Variants in BCL11A observed in about 807,000 individuals in gnomAD.
BCL11A encodes BCL11 transcription factor A.
BCL11A carries 2 observed loss-of-function variants against 55.9 expected under a neutral mutation model. That is an observed-to-expected ratio of 0.04 (90% CI 0.01 to 0.11). BCL11A has a LOEUF of 0.11. Ranked by LOEUF, BCL11A falls within the 10% of genes least tolerant of loss-of-function variation. The pLI is 1.00. For missense variants in BCL11A, 817 were observed against 1,137.1 expected, an observed-to-expected ratio of 0.72 and a Z score of 4.05; for synonymous variants, 465 against 473.4, an observed-to-expected ratio of 0.98 and a Z score of 0.23.
chr2:60,457,071 A>G (rs1675974508), downstream of BCL11A: 1 of 174,048 alleles, frequency 5.7e-6, no homozygotes, highest in African/African-American at 2.4e-5. Flanking sequence ...GGTATAATAC[A>G]CGCATCAGAA....
At chr2:60,508,139 GC>G (rs1490157884) in intron 2 of BCL11A, among the ~76,000 whole-genome samples, 1 of 152,158 alleles carries the variant, frequency 6.6e-6, no homozygotes, top group Non-Finnish European at 1.5e-5. Context: ...TTGAGCAACA[GC>G]TAAGTAGTTA....
chr2:60,452,589 C>T (rs939006533), downstream of BCL11A: 2 of 1,613,686 alleles, frequency 1.2e-6, no homozygotes, highest in Admixed American at 1.7e-5. Context: ...AACTTAAGGG[C>T]TCTCGAGCTT....
intron 2 of BCL11A, among the ~76,000 whole-genome samples, chr2:60,489,095 T>A (rs1678465251): frequency 6.6e-6 from 1 of 152,090 alleles, no homozygotes; most frequent in South Asian, 2.1e-4. Flanking sequence ...AGAAAAAAAA[T>A]GCTGTGTGTC....
At chr2:60,508,278 G>A (rs1433764929) in intron 2 of BCL11A, among the ~76,000 whole-genome samples, 2 of 152,068 alleles carry the variant, frequency 1.3e-5, no homozygotes, top group Non-Finnish European at 2.9e-5. Flanking sequence ...ATCCACACTT[G>A]GTTCAGGACA....
chr2:60,509,973 T>G (rs917339417), intron 2 of BCL11A, among the ~76,000 whole-genome samples: 4 of 152,082 alleles, frequency 2.6e-5, no homozygotes, highest in African/African-American at 9.7e-5. Flanking sequence ...TCTTGACTCC[T>G]CCCTTCCTTT....
intron 2 of BCL11A, among the ~76,000 whole-genome samples, chr2:60,531,496 A>C (rs1669454789): frequency 1.3e-5 from 2 of 152,214 alleles, no homozygotes; most frequent in South Asian, 2.1e-4. Flanking sequence ...AGGTCCCTCC[A>C]AAAAATATTA....
chr2:60,493,902 C>A (rs888593958), intron 2 of BCL11A, among the ~76,000 whole-genome samples: 2 of 152,164 alleles, frequency 1.3e-5, no homozygotes, highest in Non-Finnish European at 2.9e-5. Flanking sequence ...CAGAGGTGAA[C>A]AGGAAGCAGA....
intron 2 of BCL11A, among the ~76,000 whole-genome samples, chr2:60,515,587 GA>G (rs1051968633): frequency 2.6e-5 from 4 of 152,218 alleles, no homozygotes; most frequent in Admixed American, 2.0e-4. Context: ...TAGTTACCTA[GA>G]AAAATGGCCT....
intron 2 of BCL11A, among the ~76,000 whole-genome samples, chr2:60,496,343 G>T (rs1194946198): frequency 1.3e-5 from 2 of 152,208 alleles, no homozygotes; most frequent in Non-Finnish European, 2.9e-5. Context: ...CAAAGGGATA[G>T]CCCTATGAGG....
intron 2 of BCL11A, among the ~76,000 whole-genome samples, chr2:60,485,086 G>C (rs1678195393): frequency 6.6e-6 from 1 of 152,108 alleles, no homozygotes; most frequent in Admixed American, 6.5e-5. Flanking sequence ...GGAAGAAAAA[G>C]GCATCCCTTG....
intron 2 of BCL11A, chr2:60,525,694 G>A (rs1470439990): frequency 6.6e-6 from 1 of 152,184 alleles, no homozygotes; most frequent in East Asian, 1.9e-4. Context: ...AACAGGTGAA[G>A]GGAGCCCAAA....
At chr2:60,542,275 T>G (rs941812608) in intron 2 of BCL11A, 2 of 169,972 alleles carry the variant, frequency 1.2e-5, no homozygotes, top group Non-Finnish European at 2.5e-5. Context: ...CAAACCTAAT[T>G]TAAAGATTCC....
chr2:60,548,990 T>C (rs548137654), intron 1 of BCL11A, among the ~76,000 whole-genome samples: 34 of 152,268 alleles, frequency 2.2e-4, no homozygotes, highest in South Asian at 1.2e-3. Context: ...CCTCCCTCAA[T>C]TCAACTCCAT....
At chr2:60,455,133 G>C (rs779304059), downstream of BCL11A, among the ~76,000 whole-genome samples, 1 of 152,040 alleles carries the variant, frequency 6.6e-6, no homozygotes, top group Non-Finnish European at 1.5e-5. Context: ...TAGAATTTGC[G>C]GTATTCCTGT....
intron 2 of BCL11A, 129 bp from the exon 3 acceptor site, chr2:60,468,962 A>G: frequency 1.7e-6 from 1 of 599,254 alleles, no homozygotes; most frequent in Non-Finnish European, 2.9e-6. Context: ...GATAGTTAAC[A>G]GGCCCAAGGC....
At chr2:60,511,500 T>C (rs1466789592) in intron 2 of BCL11A, among the ~76,000 whole-genome samples, 3 of 152,258 alleles carry the variant, frequency 2.0e-5, no homozygotes, top group Non-Finnish European at 4.4e-5. Context: ...CCATGTTTCA[T>C]AATGCTAATA....
Position 60,459,041 on chromosome 2 carries a change from A to G in BCL11A, c.*1363T>C. The G allele has an allele frequency of 9.8e-7, 1 of 1,018,810 alleles. No individual in the cohort carries two copies. The highest frequency in any genetic ancestry group is 1.2e-6 in the Non-Finnish European group (1 of 847,526). The allele number at this position is 1,018,810 out of a possible 1,614,324, so 63.1% of individuals were successfully genotyped here. On this transcript the variant is annotated 3_prime_UTR_variant, in exon 4 of 4. Transcript: ENST00000642384. ...GTCACATTTAAATGCAAGTCTTAAG[A>G]ATTCATAGTTAATCATCATTGTATC... is the stretch of plus-strand genomic sequence containing the variant.
At chr2:60,474,884 T>C (rs1677433387) in intron 2 of BCL11A, among the ~76,000 whole-genome samples, 1 of 152,192 alleles carries the variant, frequency 6.6e-6, no homozygotes, top group African/African-American at 2.4e-5. Flanking sequence ...AGGTAAGGCC[T>C]GCACAGAAAT....
chr2:60,464,730 CCT>C (rs1444890920), intron 3 of BCL11A, among the ~76,000 whole-genome samples: 1 of 152,128 alleles, frequency 6.6e-6, no homozygotes, highest in Non-Finnish European at 1.5e-5. Context: ...TCATTTGTAT[CCT>C]TTCAAAAAGG....
Sources: gnomAD v4.1 joint callset for allele counts (sites outside exome capture counted in the v4.1 genomes callset) on GRCh38, gnomAD v4.1.1 for gene constraint, MANE v1.5 for transcripts, NCBI Gene and HGNC (gene_info 2026-07-23, HGNC 2026-07-21) for gene names.